C1orf105: variants seen among roughly 807,000 people sequenced by gnomAD.
The protein encoded by C1orf105 is uncharacterized protein C1orf105.
A neutral mutation model predicts 20.8 loss-of-function variants in C1orf105; 17 were observed. The ratio of observed to expected loss-of-function variants is 0.82; its 90% CI spans 0.56 to 1.23. C1orf105 has a LOEUF of 1.23. C1orf105 is among the 50% of genes most tolerant of loss of function. The probability of loss-of-function intolerance (pLI) is 0.00; values close to 1 mark genes in which losing one functional copy is unlikely to be tolerated. For missense variants in C1orf105, 219 were observed against 213.5 expected, an observed-to-expected ratio of 1.03 and a Z score of -0.16; for synonymous variants, 72 against 72.1, an observed-to-expected ratio of 1.00 and a Z score of 0.01.
At chr1:172,451,604 GA>G (rs1373486959) in intron 3 of C1orf105, among the ~76,000 whole-genome samples, 1 of 151,902 alleles carries the variant, frequency 6.6e-6, no homozygotes, top group African/African-American at 2.4e-5. Flanking sequence ...TTTTTAAAGA[GA>G]ATATTAAATG....
chr1:172,437,718 GAACTT>G (rs1203071294), intron 1 of C1orf105, among the ~76,000 whole-genome samples: 1 of 136,392 alleles, frequency 7.3e-6, no homozygotes, highest in Non-Finnish European at 1.6e-5. Flanking sequence ...ATGTACCCTA[GAACTT>G]AAAGTATAAT....
At chr1:172,456,056 A>G (rs1649201172) in intron 3 of C1orf105, among the ~76,000 whole-genome samples, 1 of 152,196 alleles carries the variant, frequency 6.6e-6, no homozygotes, top group Non-Finnish European at 1.5e-5. Flanking sequence ...GCCCACCTAT[A>G]GGAGAATGCA....
At chr1:172,430,058 G>C (rs1205878821) in intron 1 of C1orf105, among the ~76,000 whole-genome samples, 1 of 152,152 alleles carries the variant, frequency 6.6e-6, no homozygotes, top group Non-Finnish European at 1.5e-5. Context: ...TCTTATGCTG[G>C]CAAATATTTG....
chr1:172,421,226 T>G (rs969907948), intron 1 of C1orf105, among the ~76,000 whole-genome samples: 1 of 152,214 alleles, frequency 6.6e-6, no homozygotes, highest in Non-Finnish European at 1.5e-5. Context: ...CCAGATTCTT[T>G]AGTGCAGTTC....
At chr1:172,461,958 A>G (rs1176240155) in intron 4 of C1orf105, among the ~76,000 whole-genome samples, 2 of 152,212 alleles carry the variant, frequency 1.3e-5, no homozygotes, top group African/African-American at 4.8e-5. Flanking sequence ...CCAATTTTAA[A>G]GATTTACTAA....
chr1:172,434,686 A>G (rs1360551390), intron 1 of C1orf105, among the ~76,000 whole-genome samples: 1 of 152,238 alleles, frequency 6.6e-6, no homozygotes, highest in African/African-American at 2.4e-5. Context: ...CATCACAATT[A>G]AAAGAACTAG....
intron 1 of C1orf105, among the ~76,000 whole-genome samples, chr1:172,421,659 CA>C (rs553244524): frequency 6.6e-6 from 1 of 152,136 alleles, no homozygotes; most frequent in Non-Finnish European, 1.5e-5. Flanking sequence ...ACTATCTACA[CA>C]AAAAAGCACC....
intron 2 of C1orf105, 116 bp from the exon 3 acceptor site, chr1:172,448,325 C>G: frequency 1.4e-6 from 1 of 697,134 alleles, no homozygotes; most frequent in South Asian, 1.8e-5. Flanking sequence ...TGCTCCAGAA[C>G]TGGAGTGGAA....
chr1:172,442,435 C>A, intron 1 of C1orf105: 2 of 1,614,184 alleles, frequency 1.2e-6, no homozygotes, highest in Non-Finnish European at 1.7e-6. Flanking sequence ...ACAAACACTG[C>A]ACAGCTGCTG....
intron 5 of C1orf105, among the ~76,000 whole-genome samples, chr1:172,463,582 T>C (rs1649843788): frequency 6.6e-6 from 1 of 152,210 alleles, no homozygotes; most frequent in Non-Finnish European, 1.5e-5. Context: ...AAAGTAATTC[T>C]AGTAAATATT....
At chr1:172,455,523 G>A (rs1021123030) in intron 3 of C1orf105, among the ~76,000 whole-genome samples, 4 of 152,338 alleles carry the variant, frequency 2.6e-5, no homozygotes, top group Middle Eastern at 3.4e-3. Context: ...AATGAGGAAG[G>A]TTAAGAGAGA....
intron 1 of C1orf105, chr1:172,441,793 T>G: frequency 2.5e-6 from 4 of 1,607,988 alleles, no homozygotes; most frequent in Non-Finnish European, 3.4e-6. Flanking sequence ...ATGAATGTTT[T>G]CTTTAAAAAG....
chr1:172,443,270 A>C (rs1647542432), intron 1 of C1orf105: 1 of 167,202 alleles, frequency 6.0e-6, no homozygotes, highest in South Asian at 2.1e-4. Context: ...CATATCCCTT[A>C]GGTATATCAC....
rs754131406 is a variant in C1orf105, at chr1:172,445,140, TG to T, written c.90del (p.Leu31SerfsTer15). The T allele has an allele frequency of 8.1e-6, 13 of 1,612,270 alleles. No individual in the cohort carries two copies. The East Asian group carries it at 2.9e-4, about 36-fold the overall frequency. The part of the protein sequence containing the change: ...SEASLVNKPL[V>X]LSLPRRYPHT... ...GCCAGCCTTGTAAACAAGCCATTAGTGCTCAGCCTTCCCAGAAGGTAACCTC... is the reference window on the plus strand; with the variant it reads ...GCCAGCCTTGTAAACAAGCCATTAGTCTCAGCCTTCCCAGAAGGTAACCTC... On this transcript the variant is annotated frameshift_variant, in exon 2 of 7. Transcript: ENST00000367727. LOFTEE classifies it high-confidence loss of function.
intron 1 of C1orf105, among the ~76,000 whole-genome samples, chr1:172,436,710 G>A (rs2072050833): frequency 6.6e-6 from 1 of 152,180 alleles, no homozygotes; most frequent in African/African-American, 2.4e-5. Context: ...AACACCAAAA[G>A]CAATGGCAAC....
In C1orf105 at chr1:172,461,468, G is replaced by A. The variant is rs114129442; in HGVS notation, c.274-710G>A. On this transcript the variant is annotated intron_variant, in intron 4 of 6. Coordinates refer to ENST00000367727, the MANE Select transcript of C1orf105 (RefSeq NM_139240.4). ...GCTACAATAATTTTCGAGAAATAAC[G>A]GAAAAATGCTTCCTAGTGAAAACAT... Among the ~76,000 whole-genome samples, 832 of 152,146 alleles carry A rather than the reference G, an allele frequency of 5.5e-3. 9 individuals carry two copies. Among genetic ancestry groups the A allele is most frequent in the African/African-American group, 0.019 (775 of 41,502 alleles).
chr1:172,436,248 T>C lies in C1orf105; in HGVS notation c.22-8825T>C, dbSNP rs190315670. Reference sequence around the variant, plus strand: ...AGAATTGGAAAAAACTACTTTAAAGTTCATATGGAACCAAAAAAAGAGCAT... The same window carrying C: ...AGAATTGGAAAAAACTACTTTAAAGCTCATATGGAACCAAAAAAAGAGCAT... On this transcript the variant is annotated intron_variant, in intron 1 of 6. Transcript: ENST00000367727. Among the ~76,000 whole-genome samples, 202 of 152,190 alleles carry C rather than the reference T, an allele frequency of 1.3e-3. 1 individual carries two copies. The highest frequency in any genetic ancestry group is 4.6e-3 in the African/African-American group (192 of 41,514).
intron 1 of C1orf105, among the ~76,000 whole-genome samples, chr1:172,435,095 G>A (rs1216683498): frequency 1.3e-5 from 2 of 152,166 alleles, no homozygotes; most frequent in Non-Finnish European, 2.9e-5. Flanking sequence ...TGAAATTGAA[G>A]AAATAATTAA....
chr1:172,439,067 G>T (rs2072132467), intron 1 of C1orf105, among the ~76,000 whole-genome samples: 1 of 152,134 alleles, frequency 6.6e-6, no homozygotes, highest in Non-Finnish European at 1.5e-5. Flanking sequence ...AAATTCATGT[G>T]ATTTGTTTTA....
Sources: gnomAD v4.1 joint callset for allele counts (sites outside exome capture counted in the v4.1 genomes callset) on GRCh38, gnomAD v4.1.1 for gene constraint, MANE v1.5 for transcripts, NCBI Gene and HGNC (gene_info 2026-07-23, HGNC 2026-07-21) for gene names.